CABLES1: variants seen among roughly 807,000 people sequenced by gnomAD.
CABLES1 encodes Cdk5 and Abl enzyme substrate 1.
In CABLES1, 36 loss-of-function variants were observed where a neutral mutation model predicts 57.8. That is an observed-to-expected ratio of 0.62 (90% CI 0.48 to 0.82). The LOEUF (loss-of-function observed/expected upper bound fraction) is 0.82. Ranked by LOEUF, CABLES1 falls within the 40% of genes least tolerant of loss-of-function variation. CABLES1 has a pLI of 0.00. For missense variants in CABLES1, 767 were observed against 836.6 expected (o/e 0.92, Z 1.03); for synonymous variants, 374 against 363.0 (o/e 1.03, Z -0.35).
At chr18:23,198,419 A>G (rs1054964683) in intron 3 of CABLES1, among the ~76,000 whole-genome samples, 1 of 152,236 alleles carries the variant, frequency 6.6e-6, no homozygotes, top group African/African-American at 2.4e-5. Flanking sequence ...AATCCTTGAA[A>G]CAGCCTGAGT....
intron 4 of CABLES1, among the ~76,000 whole-genome samples, chr18:23,216,178 G>A (rs991898379): frequency 8.5e-5 from 13 of 152,248 alleles, no homozygotes; most frequent in Admixed American, 5.2e-4. Flanking sequence ...GTCCATATTC[G>A]TTTTATTCCC....
intron 1 of CABLES1, among the ~76,000 whole-genome samples, chr18:23,174,694 G>A (rs779924182): frequency 2.0e-5 from 3 of 151,424 alleles, no homozygotes; most frequent in East Asian, 3.9e-4. Flanking sequence ...GGATGGTGTC[G>A]ATCTCCTGAC....
chr18:23,166,454 TGGCCTCCCAAAGTGTTGGGATTACA>T (rs2047043329), intron 1 of CABLES1, among the ~76,000 whole-genome samples: 1 of 152,206 alleles, frequency 6.6e-6, no homozygotes. Flanking sequence ...CTGCCCACCT[TGGCCTCCCAAAGTGTTGGGATTACA>T]GGCGTGAGCC....
chr18:23,187,736 T>C (rs1016073516), intron 1 of CABLES1, among the ~76,000 whole-genome samples: 14 of 151,780 alleles, frequency 9.2e-5, no homozygotes, highest in African/African-American at 3.4e-4. Flanking sequence ...TTATGAAAGG[T>C]GGAAAATTGA....
intron 4 of CABLES1, among the ~76,000 whole-genome samples, chr18:23,226,519 C>A (rs923495463): frequency 2.0e-5 from 3 of 152,064 alleles, no homozygotes; most frequent in Non-Finnish European, 4.4e-5. Flanking sequence ...GCTTCTATGA[C>A]CCGAGCTCTT....
intron 1 of CABLES1, among the ~76,000 whole-genome samples, chr18:23,180,726 G>A (rs1295216620): frequency 6.6e-6 from 1 of 152,158 alleles, no homozygotes; most frequent in Non-Finnish European, 1.5e-5. Flanking sequence ...GCTCCTTTAA[G>A]TAGTAGGCTT....
At chr18:23,189,511 C>T (rs921175687) in intron 2 of CABLES1, among the ~76,000 whole-genome samples, 4 of 152,288 alleles carry the variant, frequency 2.6e-5, no homozygotes, top group African/African-American at 7.2e-5. Context: ...CCCTCATGGA[C>T]GAGAGTGCAC....
intron 1 of CABLES1, among the ~76,000 whole-genome samples, chr18:23,185,732 A>G (rs1164585402): frequency 6.6e-6 from 1 of 152,200 alleles, no homozygotes; most frequent in Non-Finnish European, 1.5e-5. Flanking sequence ...ATGCTCTTCT[A>G]CAAAGGAAGG....
At chr18:23,205,294 AG>A (rs1181428558) in intron 3 of CABLES1, among the ~76,000 whole-genome samples, 2 of 149,528 alleles carry the variant, frequency 1.3e-5, no homozygotes, top group African/African-American at 2.5e-5. Flanking sequence ...CCTGGGTTCA[AG>A]TGATTCTCCT....
chr18:23,256,998 G>A (rs2145147652), intron 9 of CABLES1, among the ~76,000 whole-genome samples: 1 of 152,300 alleles, frequency 6.6e-6, no homozygotes, highest in African/African-American at 2.4e-5. Flanking sequence ...GATGTCATAA[G>A]ATGTATGTGT....
At chr18:23,186,712 A>G (rs944510690) in intron 1 of CABLES1, among the ~76,000 whole-genome samples, 1 of 152,078 alleles carries the variant, frequency 6.6e-6, no homozygotes, top group African/African-American at 2.4e-5. Context: ...GTGAGCCACC[A>G]TGCCCAGCCG....
intron 2 of CABLES1, among the ~76,000 whole-genome samples, chr18:23,192,723 T>TC (rs2047253450): frequency 6.6e-6 from 1 of 152,166 alleles, no homozygotes; most frequent in Non-Finnish European, 1.5e-5. Flanking sequence ...TTCCAGTGAC[T>TC]CCATGTTTCA....
chr18:23,213,212 C>T (rs1460711014), intron 3 of CABLES1, among the ~76,000 whole-genome samples: 1 of 152,184 alleles, frequency 6.6e-6, no homozygotes, highest in Non-Finnish European at 1.5e-5. Context: ...AAATAAGCTT[C>T]CCCATATGAT....
intron 1 of CABLES1, among the ~76,000 whole-genome samples, chr18:23,161,039 AAGAG>A (rs1180660567): frequency 4.0e-5 from 6 of 151,894 alleles, no homozygotes; most frequent in African/African-American, 7.3e-5. Context: ...ACTCAAAAAA[AAGAG>A]AGAAGAAAAT....
chr18:23,168,639 A>G (rs139262654), intron 1 of CABLES1, among the ~76,000 whole-genome samples: 17 of 152,330 alleles, frequency 1.1e-4, no homozygotes, highest in Admixed American at 2.0e-4. Flanking sequence ...TTTTAATAAA[A>G]AACAAAAACA....
intron 1 of CABLES1, among the ~76,000 whole-genome samples, chr18:23,180,617 A>T (rs1427119475): frequency 6.6e-6 from 1 of 152,062 alleles, no homozygotes; most frequent in Non-Finnish European, 1.5e-5. Flanking sequence ...CCTGTGTTCA[A>T]GCGTGCCTCA....
At chr18:23,212,976 C>T (rs1050674992) in intron 3 of CABLES1, among the ~76,000 whole-genome samples, 2 of 152,002 alleles carry the variant, frequency 1.3e-5, no homozygotes, top group Non-Finnish European at 2.9e-5. Flanking sequence ...TACTTCAGCA[C>T]GGGTAGAACG....
chr18:23,250,186 G>T (rs968049019), intron 7 of CABLES1, among the ~76,000 whole-genome samples: 2 of 152,196 alleles, frequency 1.3e-5, no homozygotes, highest in African/African-American at 2.4e-5. Flanking sequence ...TCGTTAAGCA[G>T]CAGGATATCC....
At chr18:23,147,774 G>A (rs916599435) in intron 1 of CABLES1, among the ~76,000 whole-genome samples, 2 of 152,156 alleles carry the variant, frequency 1.3e-5, no homozygotes, top group African/African-American at 4.8e-5. Context: ...GAGCAATGAG[G>A]CTGTGAGGTG....
Sources: allele counts gnomAD v4.1 joint callset (sites outside exome capture counted in the v4.1 genomes callset), GRCh38; gene constraint gnomAD v4.1.1; transcripts MANE v1.5; gene names NCBI Gene and HGNC (gene_info 2026-07-23, HGNC 2026-07-21).